The following C8orf34 variants were observed in gnomAD, a reference collection of about 807,000 sequenced individuals.
The protein encoded by C8orf34 is chromosome 8 open reading frame 34, also known as uncharacterized protein C8orf34.
In C8orf34, 65 loss-of-function variants were observed where a neutral mutation model predicts 68.3. The observed-to-expected ratio is 0.95, with a 90% CI of 0.78 to 1.17. C8orf34 has a LOEUF of 1.17. Ranked by LOEUF, C8orf34 falls within the 50% of genes most tolerant of loss-of-function variation. The pLI is 0.00. For synonymous variants in C8orf34, 244 were observed against 241.2 expected (o/e 1.01, Z -0.11); for missense variants, 664 against 655.4 (o/e 1.01, Z -0.14).
intron 8 of C8orf34, among the ~76,000 whole-genome samples, chr8:68,670,785 CTATT>C (rs1402657950): frequency 6.6e-6 from 1 of 152,156 alleles, no homozygotes; most frequent in Non-Finnish European, 1.5e-5. Flanking sequence ...GCTTCTTTCT[CTATT>C]TATCTGTCTA....
chr8:68,373,650 C>A (rs530214624), intron 1 of C8orf34, among the ~76,000 whole-genome samples: 1 of 152,186 alleles, frequency 6.6e-6, no homozygotes, highest in African/African-American at 2.4e-5. Flanking sequence ...AAATTTATTT[C>A]TTTAAGTTAC....
intron 1 of C8orf34, among the ~76,000 whole-genome samples, chr8:68,417,329 G>T (rs1809716853): frequency 6.6e-6 from 1 of 151,978 alleles, no homozygotes; most frequent in South Asian, 2.1e-4. Context: ...TGGCACATAT[G>T]CAAAATGGAC....
chr8:68,640,268 A>G lies in C8orf34; in HGVS notation c.1106-108A>G, dbSNP rs1818965135. 7.2e-6 allele frequency: 7 copies of G among 978,302 alleles called. No individual in the cohort carries two copies. In the East Asian group the frequency reaches 1.3e-4, roughly 18 times the overall value. The allele number at this position is 978,302 out of a possible 1,614,324, so 60.6% of individuals were successfully genotyped here. A position where few individuals can be genotyped will look rare whatever the true frequency, so the allele number is the denominator to read the frequency against. Reference sequence around the variant, plus strand: ...AGTTAGATTTTTGCAAAGGGGATATATATTGTTTTGCTTAACAAACTAATG... The same window carrying G: ...AGTTAGATTTTTGCAAAGGGGATATGTATTGTTTTGCTTAACAAACTAATG... On this transcript the variant is annotated intron_variant, in intron 7 of 13. Transcript: ENST00000518698.
chr8:68,568,570 AAAT>A (rs911587712), intron 7 of C8orf34, among the ~76,000 whole-genome samples: 9 of 152,144 alleles, frequency 5.9e-5, no homozygotes, highest in African/African-American at 2.2e-4. Context: ...GAAAAAAAAA[AAAT>A]CTGTGAAGTG....
rs569045760 is a variant in C8orf34, at chr8:68,815,355, T to C, written c.1550-531T>C. ...GTGTGCATATATATGGGTACACACATATATATATATACACATATACACATA... is the reference window on the plus strand; with the variant it reads ...GTGTGCATATATATGGGTACACACACATATATATATACACATATACACATA... On this transcript the variant is annotated intron_variant, in intron 12 of 13. Coordinates refer to ENST00000518698, the MANE Select transcript of C8orf34 (RefSeq NM_052958.4). Among the ~76,000 whole-genome samples, 11 of 151,820 alleles carry C rather than the reference T, an allele frequency of 7.2e-5. No homozygotes were observed. The South Asian group carries it at 8.3e-4, about 11-fold the overall frequency.
intron 10 of C8orf34, among the ~76,000 whole-genome samples, chr8:68,745,163 C>G (rs942760837): frequency 6.6e-6 from 1 of 152,000 alleles, no homozygotes; most frequent in African/African-American, 2.4e-5. Context: ...GAAATAAAAT[C>G]TTTTCCAGAC....
intron 7 of C8orf34, among the ~76,000 whole-genome samples, chr8:68,549,512 A>C (rs1815995017): frequency 6.6e-6 from 1 of 151,764 alleles, no homozygotes; most frequent in South Asian, 2.1e-4. Context: ...CATTTACCAA[A>C]ACTCATAATA....
intron 1 of C8orf34, among the ~76,000 whole-genome samples, chr8:68,432,207 G>A (rs1246428466): frequency 6.6e-6 from 1 of 151,558 alleles, no homozygotes; most frequent in Non-Finnish European, 1.5e-5. Flanking sequence ...ATGTTGTCTG[G>A]ATTATGCATC....
At chr8:68,653,812 A>G (rs1819433067) in intron 8 of C8orf34, among the ~76,000 whole-genome samples, 2 of 152,172 alleles carry the variant, frequency 1.3e-5, no homozygotes, top group Admixed American at 1.3e-4. Flanking sequence ...AGACACACAC[A>G]TAATGGGCTG....
At chr8:68,602,363 A>T (rs1817723470) in intron 7 of C8orf34, among the ~76,000 whole-genome samples, 1 of 152,148 alleles carries the variant, frequency 6.6e-6, no homozygotes, top group Admixed American at 6.6e-5. Context: ...TAATTGATTC[A>T]CAGTTTTACA....
Position 68,365,623 on chromosome 8 carries a change from TA to T in C8orf34, c.327+34287del, listed in dbSNP as rs1370731564. 1.9e-4 allele frequency among the ~76,000 whole-genome samples: 14 copies of T among 73,418 alleles called. 1 individual carries two copies. Among genetic ancestry groups the T allele is most frequent in the Non-Finnish European group, 3.2e-4 (13 of 40,882 alleles). The allele number at this position is 73,418 out of a possible 152,430, so 48.2% of individuals were successfully genotyped here. On this transcript the variant is annotated intron_variant, in intron 1 of 13. Transcript: ENST00000518698. The stretch of plus-strand genomic sequence containing the variant: ...AAATCAATAAATGTAATCCAGCATA[TA>T]AACAGAACCAAAGTCAAAAACCACA...
intron 1 of C8orf34, among the ~76,000 whole-genome samples, chr8:68,396,455 A>G (rs1192198705): frequency 6.6e-6 from 1 of 151,882 alleles, no homozygotes; most frequent in Non-Finnish European, 1.5e-5. Flanking sequence ...AGAAAGCTCT[A>G]CCACATCATT....
intron 10 of C8orf34, among the ~76,000 whole-genome samples, chr8:68,767,241 A>T (rs1184610497): frequency 1.3e-5 from 2 of 152,152 alleles, no homozygotes; most frequent in Non-Finnish European, 2.9e-5. Flanking sequence ...CAACTAAGAA[A>T]ACCCATCAGT....
At chr8:68,556,477 T>C (rs919187038) in intron 7 of C8orf34, among the ~76,000 whole-genome samples, 8 of 152,138 alleles carry the variant, frequency 5.3e-5, no homozygotes, top group Non-Finnish European at 1.2e-4. Flanking sequence ...TTGCTAACAG[T>C]GCAAACTCTG....
chr8:68,703,675 T>A (rs1013636330), intron 8 of C8orf34, among the ~76,000 whole-genome samples: 1 of 152,132 alleles, frequency 6.6e-6, no homozygotes, highest in Non-Finnish European at 1.5e-5. Context: ...TGTCCTTTCA[T>A]CCTTCAGTGG....
At chr8:68,670,323 A>G (rs1216786975) in intron 8 of C8orf34, among the ~76,000 whole-genome samples, 6 of 152,238 alleles carry the variant, frequency 3.9e-5, no homozygotes, top group Non-Finnish European at 7.3e-5. Context: ...TATCTGACCA[A>G]GGAAACTTAT....
At chr8:68,426,238 G>T (rs187403859) in intron 1 of C8orf34, among the ~76,000 whole-genome samples, 7 of 151,922 alleles carry the variant, frequency 4.6e-5, no homozygotes, top group Non-Finnish European at 8.8e-5. Flanking sequence ...GCAAAAAATG[G>T]CCGGGTGCGT....
chr8:68,426,015 T>A (rs1428259385), intron 1 of C8orf34, among the ~76,000 whole-genome samples: 4 of 152,134 alleles, frequency 2.6e-5, no homozygotes, highest in South Asian at 4.1e-4. Flanking sequence ...ATGCAAAAAT[T>A]AACTCAAAAT....
chr8:68,731,626 TA>T lies in C8orf34; in HGVS notation c.1404+10199del, dbSNP rs965755422. ...ACTATGGTTTTGTTATTCTGAAAGT[TA>T]AAAAAAAAATTACATCTATCTTACA... On this transcript the variant is annotated intron_variant, in intron 10 of 13. Coordinates refer to ENST00000518698, the MANE Select transcript of C8orf34 (RefSeq NM_052958.4). Among the ~76,000 whole-genome samples, 168 of 150,214 alleles carry T rather than the reference TA, an allele frequency of 1.1e-3. 1 individual carries two copies. The East Asian group carries it at 0.017, about 15-fold the overall frequency.
Sources: allele counts gnomAD v4.1 joint callset (sites outside exome capture counted in the v4.1 genomes callset), GRCh38; gene constraint gnomAD v4.1.1; transcripts MANE v1.5; gene names NCBI Gene and HGNC (gene_info 2026-07-23, HGNC 2026-07-21).